MINDY4: variants seen among roughly 807,000 people sequenced by gnomAD.
MINDY4 encodes the protein probable ubiquitin carboxyl-terminal hydrolase MINDY-4.
In MINDY4, 68 loss-of-function variants were observed where a neutral mutation model predicts 87.0. The observed-to-expected ratio is 0.78, with a 90% confidence interval of 0.64 to 0.96. The LOEUF is 0.96. Among genes scored for constraint, MINDY4 ranks in the 40% least tolerant of loss-of-function variants. MINDY4 has a pLI of 0.00. For synonymous variants in MINDY4, 379 were observed against 363.2 expected (o/e 1.04, Z -0.50); for missense variants, 919 against 928.2 (o/e 0.99, Z 0.13).
intron 13 of MINDY4, among the ~76,000 whole-genome samples, chr7:30,866,294 C>T (rs1032223307): frequency 6.6e-6 from 1 of 152,224 alleles, no homozygotes; most frequent in Non-Finnish European, 1.5e-5. Flanking sequence ...GGACAGGCCT[C>T]AGAAGGAGGG....
intron 13 of MINDY4, among the ~76,000 whole-genome samples, chr7:30,862,435 A>G (rs1352721160): frequency 1.3e-5 from 2 of 152,204 alleles, no homozygotes; most frequent in African/African-American, 4.8e-5. Flanking sequence ...TGCTCCTCTC[A>G]CGTGCCAGGC....
intron 6 of MINDY4, among the ~76,000 whole-genome samples, chr7:30,832,292 G>A (rs1374191330): frequency 6.6e-6 from 1 of 152,158 alleles, no homozygotes; most frequent in Non-Finnish European, 1.5e-5. Flanking sequence ...CTGTCACTTT[G>A]TGCCTCCAGG....
At chr7:30,817,104 C>T (rs538802543) in intron 5 of MINDY4, among the ~76,000 whole-genome samples, 77 of 152,264 alleles carry the variant, frequency 5.1e-4, no homozygotes, top group East Asian at 1.5e-3. Flanking sequence ...GAAGCCCCTC[C>T]GGAGGCTCAG....
At chr7:30,797,052 A>G (rs1787510550) in intron 5 of MINDY4, among the ~76,000 whole-genome samples, 1 of 152,232 alleles carries the variant, frequency 6.6e-6, no homozygotes, top group Admixed American at 6.5e-5. Context: ...CTTTGCATTC[A>G]GTGACATCAC....
chr7:30,786,132 C>A, intron 4 of MINDY4, 140 bp downstream of exon 4: 1 of 1,138,044 alleles, frequency 8.8e-7, no homozygotes, highest in Non-Finnish European at 1.2e-6. Flanking sequence ...AAGAACAGTG[C>A]CTCTGTTTTC....
intron 6 of MINDY4, among the ~76,000 whole-genome samples, chr7:30,836,403 C>T (rs1416527965): frequency 1.3e-5 from 2 of 152,200 alleles, no homozygotes; most frequent in African/African-American, 2.4e-5. Context: ...AGCTAAGTCT[C>T]ACTCGGCAAC....
rs994627631 is a variant in MINDY4, at chr7:30,782,232, T to C, written c.419+20T>C. 1.8e-5 allele frequency: 29 copies of C among 1,583,104 alleles called. No individual in the cohort carries two copies. The highest frequency in any genetic ancestry group is 2.3e-5 in the Non-Finnish European group (27 of 1,158,476). ...AGCCAGGTATCTTTTCCCATTATTA[T>C]GTTTATTAGTTTCCTATTGCTGCCA... On this transcript the variant is annotated intron_variant, in intron 3 of 17. Coordinates refer to ENST00000265299, the MANE Select transcript of MINDY4 (RefSeq NM_032222.3).
chr7:30,813,309 C>G (rs1003779698), intron 5 of MINDY4, among the ~76,000 whole-genome samples: 1 of 152,176 alleles, frequency 6.6e-6, no homozygotes, highest in Non-Finnish European at 1.5e-5. Flanking sequence ...TGTTAAGGAT[C>G]TGGGAGGGAA....
At chr7:30,885,274 C>A (rs998838837) in intron 17 of MINDY4, among the ~76,000 whole-genome samples, 1 of 152,182 alleles carries the variant, frequency 6.6e-6, no homozygotes, top group Non-Finnish European at 1.5e-5. Flanking sequence ...AATCCCAGCA[C>A]TTTGGAAGGC....
chr7:30,852,089 G>T (rs1284573643), intron 10 of MINDY4, 127 bp from the exon 11 acceptor site: 1 of 1,040,546 alleles, frequency 9.6e-7, no homozygotes. Context: ...GAAACTCTTG[G>T]CTCCATTTTC....
In MINDY4 at chr7:30,837,919, G is replaced by A. The variant is rs116664087; in HGVS notation, c.1239+1155G>A. 4.4e-3 allele frequency among the ~76,000 whole-genome samples: 672 copies of A among 152,290 alleles called. 3 individuals carry two copies. Among genetic ancestry groups the A allele is most frequent in the African/African-American group, 0.015 (631 of 41,544 alleles). On this transcript the variant is annotated intron_variant, in intron 7 of 17. Transcript: ENST00000265299. ...TGTGTGCCACCAGCCCACATTTGAT[G>A]ACATGTGGACAAATGCTTCTGTCAA...
chr7:30,775,813 A>G (rs117937146), intron 1 of MINDY4, among the ~76,000 whole-genome samples: 1,874 of 152,304 alleles, frequency 0.012, 18 homozygotes, highest in Middle Eastern at 0.044. Context: ...ACAAATATAT[A>G]TTTATCATAA....
At chr7:30,859,543 G>A (rs1297140825) in intron 13 of MINDY4, among the ~76,000 whole-genome samples, 2 of 152,206 alleles carry the variant, frequency 1.3e-5, no homozygotes, top group East Asian at 1.9e-4. Flanking sequence ...CATGTGTGTG[G>A]TGGACAACCT....
intron 17 of MINDY4, among the ~76,000 whole-genome samples, chr7:30,887,950 G>C (rs1056460974): frequency 6.6e-6 from 1 of 152,198 alleles, no homozygotes; most frequent in African/African-American, 2.4e-5. Flanking sequence ...GCACGGGAAC[G>C]GAAACTTTCA....
At chr7:30,808,461 T>G (rs1287514492) in intron 5 of MINDY4, among the ~76,000 whole-genome samples, 1 of 152,176 alleles carries the variant, frequency 6.6e-6, no homozygotes, top group African/African-American at 2.4e-5. Flanking sequence ...TGTGTGTGTG[T>G]GGGTGCCCTT....
rs997234465 is a variant in MINDY4 at position 30,850,331 on chromosome 7, T to A, written c.1446-123T>A. The A allele has an allele frequency of 1.0e-5, 9 of 894,234 alleles. No individual in the cohort carries two copies. The African/African-American group carries it at 1.3e-4, about 13-fold the overall frequency. The allele number at this position is 894,234 out of a possible 1,614,324, so 55.4% of individuals were successfully genotyped here. A position where few individuals can be genotyped will look rare whatever the true frequency, so the allele number is the denominator to read the frequency against. ...GGGCTCCTGGGCTGCAGGTGGCCCCTCTGCAGGCCAGAGAAAGAACAGGCC... is the reference window on the plus strand; with the variant it reads ...GGGCTCCTGGGCTGCAGGTGGCCCCACTGCAGGCCAGAGAAAGAACAGGCC... On this transcript the variant is annotated intron_variant, in intron 9 of 17. Transcript: ENST00000265299.
chr7:30,891,496 C>G (rs1790791014), intron 17 of MINDY4, among the ~76,000 whole-genome samples: 1 of 152,198 alleles, frequency 6.6e-6, no homozygotes, highest in South Asian at 2.1e-4. Context: ...AAGCCCAGAA[C>G]CCTTACAAGT....
chr7:30,839,400 C>A, intron 8 of MINDY4, 84 bp downstream of exon 8: 1 of 786,358 alleles, frequency 1.3e-6, no homozygotes, highest in Non-Finnish European at 2.0e-6. Context: ...TTTGGTTAAT[C>A]CTGTGAGCAT....
At chr7:30,809,047 A>G (rs763812510) in intron 5 of MINDY4, among the ~76,000 whole-genome samples, 60 of 152,128 alleles carry the variant, frequency 3.9e-4, no homozygotes, top group Non-Finnish European at 6.9e-4. Context: ...AGAGAGATAT[A>G]TAAGTAGTTA....
Sources: gnomAD v4.1 joint callset for allele counts (sites outside exome capture counted in the v4.1 genomes callset) on GRCh38, gnomAD v4.1.1 for gene constraint, MANE v1.5 for transcripts, NCBI Gene and HGNC (gene_info 2026-07-23, HGNC 2026-07-21) for gene names.